Variants in PBX1 observed in about 807,000 individuals in gnomAD.
PBX1 encodes the protein pre-B-cell leukemia transcription factor 1.
A neutral mutation model predicts 53.4 loss-of-function variants in PBX1; 6 were observed. The ratio of observed to expected loss-of-function variants is 0.11; its 90% CI spans 0.06 to 0.22. PBX1 has a LOEUF of 0.22. Ranked by LOEUF, PBX1 falls within the 10% of genes least tolerant of loss-of-function variation. The probability of loss-of-function intolerance (pLI) is 1.00; values close to 1 mark genes in which losing one functional copy is unlikely to be tolerated. For missense variants in PBX1, 251 were observed against 551.4 expected, an observed-to-expected ratio of 0.46 and a Z score of 5.46; for synonymous variants, 204 against 212.3, an observed-to-expected ratio of 0.96 and a Z score of 0.34.
chr1:164,746,096 G>C (rs1216845864), intron 2 of PBX1, among the ~76,000 whole-genome samples: 1 of 152,198 alleles, frequency 6.6e-6, no homozygotes, highest in African/African-American at 2.4e-5. Flanking sequence ...ATTTCAAAAT[G>C]AAGTGTTAAA....
chr1:164,749,837 A>C (rs1666099723), intron 2 of PBX1, among the ~76,000 whole-genome samples: 2 of 152,134 alleles, frequency 1.3e-5, no homozygotes, highest in African/African-American at 4.8e-5. Context: ...ACAGATCAAG[A>C]GGATGTGGGA....
At chr1:164,852,600 C>T (rs1383046184), downstream of PBX1, among the ~76,000 whole-genome samples, 1 of 152,208 alleles carries the variant, frequency 6.6e-6, no homozygotes, top group Non-Finnish European at 1.5e-5. Flanking sequence ...TTCTCATTTT[C>T]ATGCTGTAGC....
chr1:164,560,050 T>G (rs1571218101), intron 1 of PBX1, 37 bp downstream of exon 1: 1 of 946,328 alleles, frequency 1.1e-6, no homozygotes, highest in Non-Finnish European at 1.4e-6. Flanking sequence ...TCTTGGGGTT[T>G]TTTGTTTTTC....
chr1:164,731,292 C>A (rs1262900574), intron 2 of PBX1, among the ~76,000 whole-genome samples: 5 of 150,106 alleles, frequency 3.3e-5, no homozygotes, highest in African/African-American at 9.8e-5. Context: ...TGGCTCATAT[C>A]ATCTTCTCCT....
At chr1:164,608,354 G>C (rs1656693039) in intron 2 of PBX1, among the ~76,000 whole-genome samples, 1 of 152,204 alleles carries the variant, frequency 6.6e-6, no homozygotes. Context: ...TGAGAGCCCA[G>C]CTGAGGCCAT....
chr1:164,786,717 G>A, intron 2 of PBX1, among the ~76,000 whole-genome samples: 1 of 141,696 alleles, frequency 7.1e-6, no homozygotes, highest in African/African-American at 2.8e-5. Flanking sequence ...GTGTGTGTGT[G>A]TGTGCGCGCG....
At chr1:164,751,542 G>A (rs1045954637) in intron 2 of PBX1, among the ~76,000 whole-genome samples, 4 of 150,606 alleles carry the variant, frequency 2.7e-5, no homozygotes, top group African/African-American at 9.8e-5. Context: ...TTATAGACAT[G>A]GGTTATTTAT....
At chr1:164,703,413 A>G (rs572665241) in intron 2 of PBX1, 1 of 152,278 alleles carries the variant, frequency 6.6e-6, no homozygotes, top group African/African-American at 2.4e-5. Flanking sequence ...TGTGAGTGAG[A>G]GGAGAATATA....
intron 2 of PBX1, among the ~76,000 whole-genome samples, chr1:164,672,702 G>T (rs1025883488): frequency 5.3e-5 from 8 of 152,188 alleles, no homozygotes; most frequent in African/African-American, 1.9e-4. Flanking sequence ...ACATAAATGT[G>T]TAGCGGCGTG....
chr1:164,653,900 C>T (rs1351794319), intron 2 of PBX1, among the ~76,000 whole-genome samples: 1 of 152,156 alleles, frequency 6.6e-6, no homozygotes, highest in Non-Finnish European at 1.5e-5. Context: ...TTGTCCTTGG[C>T]TATTTATAAC....
At chr1:164,732,961 G>T (rs759311769) in intron 2 of PBX1, among the ~76,000 whole-genome samples, 1 of 152,068 alleles carries the variant, frequency 6.6e-6, no homozygotes, top group Non-Finnish European at 1.5e-5. Flanking sequence ...TTTCTAGTCA[G>T]TGTCACCAGG....
intron 2 of PBX1, among the ~76,000 whole-genome samples, chr1:164,784,015 G>A (rs910690271): frequency 2.6e-5 from 4 of 152,160 alleles, no homozygotes; most frequent in Non-Finnish European, 2.9e-5. Flanking sequence ...GCAAGTTGCC[G>A]ACCAATGGCT....
At chr1:164,616,759 A>G (rs1468955856) in intron 2 of PBX1, among the ~76,000 whole-genome samples, 1 of 152,238 alleles carries the variant, frequency 6.6e-6, no homozygotes, top group Non-Finnish European at 1.5e-5. Context: ...GTCCTTTTAC[A>G]TGCAGTGATA....
chr1:164,700,816 GGCCAGCCCT>G (rs1176765875), intron 2 of PBX1: 6 of 814,580 alleles, frequency 7.4e-6, no homozygotes, highest in Non-Finnish European at 8.9e-6. Context: ...TTTTGGTGGT[GGCCAGCCCT>G]GTATATTGCC....
At chr1:164,751,012 T>C (rs1031028168) in intron 2 of PBX1, among the ~76,000 whole-genome samples, 1 of 152,106 alleles carries the variant, frequency 6.6e-6, no homozygotes, top group Non-Finnish European at 1.5e-5. Flanking sequence ...ATATTGATAA[T>C]GATTTTAAGA....
chr1:164,566,723 G>A (rs2101698243), intron 2 of PBX1, among the ~76,000 whole-genome samples: 1 of 152,192 alleles, frequency 6.6e-6, no homozygotes, highest in South Asian at 2.1e-4. Flanking sequence ...AATCACGCAA[G>A]TTTAAAAATT....
chr1:164,576,006 CAA>C (rs1223687806), intron 2 of PBX1, among the ~76,000 whole-genome samples: 1 of 152,096 alleles, frequency 6.6e-6, no homozygotes, highest in Non-Finnish European at 1.5e-5. Context: ...AAAGAAAAAA[CAA>C]AACCCAGCAA....
intron 2 of PBX1, among the ~76,000 whole-genome samples, chr1:164,716,038 A>G (rs1664062818): frequency 6.6e-6 from 1 of 152,196 alleles, no homozygotes; most frequent in Non-Finnish European, 1.5e-5. Flanking sequence ...TTGCTGTTTT[A>G]TTGGATCTAA....
At chr1:164,793,814 CG>C (rs1668641956) in intron 3 of PBX1, among the ~76,000 whole-genome samples, 1 of 138,560 alleles carries the variant, frequency 7.2e-6, no homozygotes, top group Non-Finnish European at 1.6e-5. Flanking sequence ...TCTTTTTTTT[CG>C]TTTCTTCTTT....
Sources: allele counts gnomAD v4.1 joint callset (sites outside exome capture counted in the v4.1 genomes callset), GRCh38; gene constraint gnomAD v4.1.1; transcripts MANE v1.5; gene names NCBI Gene and HGNC (gene_info 2026-07-23, HGNC 2026-07-21).